C19orf47: variants seen among roughly 807,000 people sequenced by gnomAD.
The protein encoded by C19orf47 is uncharacterized protein C19orf47.
Under a neutral mutation model 32.3 loss-of-function variants are expected in C19orf47, and 18 were observed. The ratio of observed to expected loss-of-function variants is 0.56; its 90% CI spans 0.39 to 0.83. C19orf47 has a LOEUF of 0.83. Among genes scored for constraint, C19orf47 ranks in the 40% least tolerant of loss-of-function variants. The pLI, the probability that C19orf47 is intolerant of heterozygous loss-of-function variation, is 0.00. For synonymous variants in C19orf47, 202 were observed against 211.1 expected (o/e 0.96, Z 0.37); for missense variants, 484 against 531.6 (o/e 0.91, Z 0.88).
intron 2 of C19orf47, among the ~76,000 whole-genome samples, chr19:40,340,721 G>A (rs1243649842): frequency 6.6e-6 from 1 of 151,534 alleles, no homozygotes; most frequent in Non-Finnish European, 1.5e-5. Context: ...GCTCACATGT[G>A]TAATCCCAGC....
At chr19:40,304,233 G>A in the C19orf47 span, among the ~76,000 whole-genome samples, 2 of 152,150 alleles carry the variant, frequency 1.3e-5, no homozygotes, top group African/African-American at 4.8e-5. Flanking sequence ...TAGGAGAAAT[G>A]AAGAAGTTCG....
chr19:40,301,735 C>G, the C19orf47 span, among the ~76,000 whole-genome samples: 1 of 151,274 alleles, frequency 6.6e-6, no homozygotes, highest in African/African-American at 2.4e-5. Context: ...GTCCCAGCTA[C>G]TTGGGAGGCT....
chr19:40,330,452 C>T (rs2077927896), intron 5 of C19orf47, among the ~76,000 whole-genome samples: 1 of 150,970 alleles, frequency 6.6e-6, no homozygotes, highest in Non-Finnish European at 1.5e-5. Flanking sequence ...AGGATGGTCT[C>T]GATCTCTCGA....
chr19:40,309,191 CTCTT>C, the C19orf47 span, among the ~76,000 whole-genome samples: 13 of 149,976 alleles, frequency 8.7e-5, no homozygotes, highest in South Asian at 2.1e-4. Context: ...ATTTCTCTCT[CTCTT>C]TTTTTTTTTT....
the C19orf47 span, among the ~76,000 whole-genome samples, chr19:40,294,876 T>C: frequency 1.3e-5 from 2 of 152,234 alleles, no homozygotes; most frequent in African/African-American, 4.8e-5. Context: ...AGGGCTTTGT[T>C]GTCTCAACCT....
rs377203741 is a variant in C19orf47, at chr19:40,328,701, G to C, written c.302-151C>G. 6 of 1,053,258 alleles carry C rather than the reference G, an allele frequency of 5.7e-6. No homozygotes were observed. In the African/African-American group the frequency reaches 9.8e-5, roughly 17 times the overall value. 65.2% of individuals were successfully genotyped at this position (1,053,258 alleles called of 1,614,324 possible). ...CCTGTAACTGCATGGTACTCGTGAT[G>C]GGGATGCTTGGGGGCAGGGTGGGCT... On this transcript the variant is annotated intron_variant, in intron 5 of 8. Coordinates refer to ENST00000683109, the MANE Select transcript of C19orf47 (RefSeq NM_001256441.2).
rs184372309 is a variant in C19orf47, at chr19:40,320,135, G to A, written c.*1747C>T. 1,049 of 154,704 alleles carry A rather than the reference G, an allele frequency of 6.8e-3. 61 individuals are homozygous for A. The highest frequency in any genetic ancestry group is 0.056 in the Admixed American group (854 of 15,278). 9.6% of individuals were successfully genotyped at this position (154,704 alleles called of 1,614,324 possible). A position where few individuals can be genotyped will look rare whatever the true frequency, so the allele number is the denominator to read the frequency against. On this transcript the variant is annotated 3_prime_UTR_variant, in exon 9 of 9. Coordinates refer to ENST00000683109, the MANE Select transcript of C19orf47 (RefSeq NM_001256441.2). The stretch of plus-strand genomic sequence containing the variant: ...AAAGCACACCCTAAGCAGCCCAAGC[G>A]GCCCTCTTCCCTGCTCCCCACTGCC...
At chr19:40,301,469 G>A in the C19orf47 span, among the ~76,000 whole-genome samples, 7 of 150,396 alleles carry the variant, frequency 4.7e-5, no homozygotes, top group East Asian at 1.2e-3. Context: ...AGCCTCCCGA[G>A]TAGCTGGGAT....
At chr19:40,348,466 C>T, upstream of C19orf47, 2 of 1,499,956 alleles carry the variant, frequency 1.3e-6, no homozygotes, top group East Asian at 2.8e-5. Flanking sequence ...TCGTCCGCGG[C>T]CGCTCTACCC....
chr19:40,311,892 A>G, the C19orf47 span, among the ~76,000 whole-genome samples: 1 of 152,084 alleles, frequency 6.6e-6, no homozygotes, highest in Admixed American at 6.6e-5. Flanking sequence ...CCTGACCTCA[A>G]GTGATCCACC....
At chr19:40,304,641 T>C in the C19orf47 span, among the ~76,000 whole-genome samples, 9 of 152,190 alleles carry the variant, frequency 5.9e-5, no homozygotes, top group South Asian at 4.1e-4. Flanking sequence ...CAGGATGCTA[T>C]ATAAGCTTCA....
At chr19:40,303,703 C>G in the C19orf47 span, among the ~76,000 whole-genome samples, 1 of 148,216 alleles carries the variant, frequency 6.7e-6, no homozygotes, top group South Asian at 2.1e-4. Context: ...ACTCAGGAGG[C>G]TGAGGCAGGA....
chr19:40,301,312 CTTTTATTT>C, the C19orf47 span, among the ~76,000 whole-genome samples: 2 of 135,684 alleles, frequency 1.5e-5, no homozygotes, highest in African/African-American at 6.0e-5. Flanking sequence ...CCTTGAGAGG[CTTTTATTT>C]ATTTATTTAT....
intron 5 of C19orf47, among the ~76,000 whole-genome samples, chr19:40,331,272 T>C (rs116134046): frequency 0.012 from 1,850 of 152,310 alleles, 53 homozygotes; most frequent in African/African-American, 0.042. Context: ...CAACCACCAC[T>C]GTGAACAAGC....
intron 1 of C19orf47, among the ~76,000 whole-genome samples, chr19:40,345,538 A>T (rs1203890589): frequency 2.0e-4 from 3 of 14,710 alleles, no homozygotes; most frequent in East Asian, 3.0e-3. Context: ...GTCACTGTTA[A>T]AAAAAAAAAA....
chr19:40,335,767 G>A (rs1046494566), intron 4 of C19orf47, among the ~76,000 whole-genome samples: 1 of 152,052 alleles, frequency 6.6e-6, no homozygotes, highest in East Asian at 1.9e-4. Flanking sequence ...CCGCCACCAC[G>A]CTCGGCTAAT....
At chr19:40,334,158 G>A (rs2078012103) in intron 4 of C19orf47, among the ~76,000 whole-genome samples, 1 of 152,178 alleles carries the variant, frequency 6.6e-6, no homozygotes, top group South Asian at 2.1e-4. Flanking sequence ...CTCACCTATT[G>A]AAAAAATAGG....
the C19orf47 span, among the ~76,000 whole-genome samples, chr19:40,300,041 T>G: frequency 1.3e-5 from 2 of 151,652 alleles, no homozygotes; most frequent in Non-Finnish European, 2.9e-5. Flanking sequence ...AAAAGAGAGA[T>G]ATTAGACTAA....
Position 40,321,944 on chromosome 19 carries a change from C to G in C19orf47, c.1096G>C (p.Ala366Pro), listed in dbSNP as rs769607852. ...ACAGTGCCCGCGTGGTCCATCTGGG[C>G]ACCAAGGCCCTCGCTGGAGCTGCTC... ...RGSSSSEGLG[A>P]QMDHAGTVSV... is the part of the protein sequence containing the mutation. The change falls in exon 9 of 9, where the codon GCC (alanine) becomes CCC (proline). Residue 366 changes from alanine to proline, a missense_variant. Physicochemically the swap from Ala to Pro is conservative, Grantham distance 27. Around this residue, in one of 3 missense-constraint regions of C19orf47, gnomAD observed 51 missense variants for 74.5 expected, o/e 0.68. Coordinates refer to ENST00000683109, the MANE Select transcript of C19orf47 (RefSeq NM_001256441.2). 1 of 1,613,624 alleles carries G rather than the reference C, an allele frequency of 6.2e-7. No individual in the cohort carries two copies. The highest frequency in any genetic ancestry group is 1.1e-5 in the South Asian group (1 of 91,074).
Sources: gnomAD v4.1 joint callset for allele counts (sites outside exome capture counted in the v4.1 genomes callset) on GRCh38, gnomAD v4.1.1 for gene constraint, gnomAD v4.1.1 regional missense constraint, MANE v1.5 for transcripts, NCBI Gene and HGNC (gene_info 2026-07-23, HGNC 2026-07-21) for gene names.